Variants in ZFC3H1 observed in about 807,000 individuals in gnomAD.
ZFC3H1 encodes the protein zinc finger C3H1 domain-containing protein.
A neutral mutation model predicts 243.7 loss-of-function variants in ZFC3H1; 71 were observed. That is an observed-to-expected ratio of 0.29 (90% CI 0.24 to 0.36). The LOEUF (loss-of-function observed/expected upper bound fraction) is 0.36. Ranked by LOEUF, ZFC3H1 falls within the 10% of genes least tolerant of loss-of-function variation. The probability of loss-of-function intolerance (pLI) is 1.00; values close to 1 mark genes in which losing one functional copy is unlikely to be tolerated. For missense variants in ZFC3H1, 1,966 were observed against 2,317.1 expected, an observed-to-expected ratio of 0.85 and a Z score of 3.11; for synonymous variants, 838 against 813.0, an observed-to-expected ratio of 1.03 and a Z score of -0.52.
rs547389477 is a variant in ZFC3H1, at chr12:71,643,446, A to G, written c.1503+649T>C. Among the ~76,000 whole-genome samples the G allele has an allele frequency of 2.0e-5, 3 of 152,192 alleles. No homozygotes were observed. In the East Asian group the frequency reaches 5.8e-4, roughly 29 times the overall value. The stretch of plus-strand genomic sequence containing the variant: ...AAAAAATTTCAAAGTATAAATATTT[A>G]CAATATTCCTTGCTTAAGCAAACCT... On this transcript the variant is annotated intron_variant, in intron 5 of 34. Coordinates refer to ENST00000378743, the MANE Select transcript of ZFC3H1 (RefSeq NM_144982.5).
intron 24 of ZFC3H1, 102 bp from the exon 25 acceptor site, chr12:71,620,417 C>A: frequency 8.4e-7 from 1 of 1,184,614 alleles, no homozygotes; most frequent in Non-Finnish European, 1.2e-6. Flanking sequence ...AAAGATGACC[C>A]CTCCCTTTGA....
chr12:71,613,494 T>C, intron 30 of ZFC3H1, 59 bp from the exon 31 acceptor site: 2 of 1,275,334 alleles, frequency 1.6e-6, no homozygotes, highest in Non-Finnish European at 2.2e-6. Context: ...TCCAATTACC[T>C]ATGTGTTTTA....
intron 30 of ZFC3H1, chr12:71,613,771 C>A (rs1203991664): frequency 5.9e-6 from 1 of 170,902 alleles, no homozygotes. Context: ...ATGGAATGCC[C>A]GTGTGTAAAT....
In ZFC3H1 at chr12:71,636,887, A is replaced by G; in HGVS notation, c.1898T>C (p.Leu633Pro). ...AGCTCTTTTATTTGCTAGAGATTTA[A>G]GTAGTTCTTCTCGAAGCAGCATTTC... ...EEEMLLREEL[L>P]KSLANKRAFK... The change falls in exon 8 of 35, where the codon CTT becomes CCT. Residue 633 changes from leucine (L) to proline (P), a missense_variant. Physicochemically the swap from Leu to Pro is moderately conservative, Grantham distance 98. This residue lies in a region of ZFC3H1 where 1,383 missense variants were observed against 1,723.7 expected (regional missense o/e 0.80). Transcript: ENST00000378743. 1.2e-6 allele frequency: 2 copies of G among 1,614,038 alleles called. No individual in the cohort carries two copies. Among genetic ancestry groups the G allele is most frequent in the Non-Finnish European group, 1.7e-6 (2 of 1,179,966 alleles).
In ZFC3H1 at chr12:71,632,148, C is replaced by A; in HGVS notation, c.3184G>T (p.Asp1062Tyr). The change falls in exon 15 of 35, where the codon GAT becomes TAT. Residue 1062 changes from aspartate to tyrosine, a missense_variant. Physicochemically the swap from Asp to Tyr is radical, Grantham distance 160. Coordinates refer to ENST00000378743, the MANE Select transcript of ZFC3H1 (RefSeq NM_144982.5). ...YFTKPNLKHT[D>Y]TANKECINKL... is the part of the protein sequence containing the mutation. ...TTTATGCATTCTTTGTTAGCAGTATCAGTGTGCTTAAGGTTAGGTTTAGTA... is the reference window on the plus strand; with the variant it reads ...TTTATGCATTCTTTGTTAGCAGTATAAGTGTGCTTAAGGTTAGGTTTAGTA... 6.2e-7 allele frequency: 1 copy of A among 1,609,558 alleles called. No homozygotes were observed. Among genetic ancestry groups the A allele is most frequent in the Non-Finnish European group, 8.5e-7 (1 of 1,178,614 alleles).
At chr12:71,626,207 T>TAC (rs956124723) in intron 22 of ZFC3H1, 53 bp downstream of exon 22, 33 of 1,340,434 alleles carry the variant, frequency 2.5e-5, no homozygotes, top group South Asian at 1.4e-4. Context: ...TCCAAATAAT[T>TAC]ATACACACAC....
In ZFC3H1 at chr12:71,631,862, A is replaced by T; in HGVS notation, c.3386T>A (p.Val1129Asp). 1 of 1,613,732 alleles carries T rather than the reference A, an allele frequency of 6.2e-7. No homozygotes were observed. The highest frequency in any genetic ancestry group is 2.2e-5 in the East Asian group (1 of 44,840). Residue 1129 changes from valine to aspartate, a missense_variant, in exon 16 of 35, where the codon GTC becomes GAC. By Grantham distance (152) the Val-to-Asp change is radical (BLOSUM62 -3). This residue lies in a region of ZFC3H1 where 1,383 missense variants were observed against 1,723.7 expected (regional missense o/e 0.80). Transcript: ENST00000378743. Reference protein sequence around the residue: ...GQEISVDVDFVTAQSKTMEVK... With the variant: ...GQEISVDVDFDTAQSKTMEVK... ...TTCCATTGTTTTACTTTGTGCTGTG[A>T]CAAAATCCACATCTACAGAAATCTC...
At chr12:71,625,207 G>A (rs540502300) in intron 22 of ZFC3H1, among the ~76,000 whole-genome samples, 4 of 152,220 alleles carry the variant, frequency 2.6e-5, no homozygotes, top group East Asian at 3.9e-4. Context: ...TTTATTAAGC[G>A]GTATCATGTT....
chr12:71,615,103 A>G (rs1242540978), intron 28 of ZFC3H1, 103 bp downstream of exon 28: 18 of 1,182,242 alleles, frequency 1.5e-5, no homozygotes, highest in East Asian at 2.4e-5. Context: ...TTGTGCTTCA[A>G]TGACTTTAAC....
chr12:71,638,238 T>C (rs560845850), intron 7 of ZFC3H1, among the ~76,000 whole-genome samples, 180 bp downstream of exon 7: 1 of 152,272 alleles, frequency 6.6e-6, no homozygotes, highest in South Asian at 2.1e-4. Flanking sequence ...ATGAAAAAAA[T>C]CTACCAAATG....
intron 27 of ZFC3H1, among the ~76,000 whole-genome samples, chr12:71,619,039 TAAC>T (rs1201420750): frequency 6.6e-5 from 10 of 152,188 alleles, no homozygotes; most frequent in Admixed American, 5.9e-4. Context: ...GTACTAAAAT[TAAC>T]AACAATAACG....
At chr12:71,641,916 G>A (rs1010728824) in intron 6 of ZFC3H1, among the ~76,000 whole-genome samples, 7 of 152,066 alleles carry the variant, frequency 4.6e-5, no homozygotes, top group South Asian at 2.1e-4. Flanking sequence ...GTGGTACGAC[G>A]TCAGCTCACT....
rs893443487 is a variant in ZFC3H1, at chr12:71,663,829, T to G, written c.-219A>C. 4.1e-5 allele frequency: 24 copies of G among 585,460 alleles called. No individual in the cohort carries two copies. The highest frequency in any genetic ancestry group is 4.5e-4 in the Middle Eastern group (1 of 2,216). 36.3% of individuals were successfully genotyped at this position (585,460 alleles called of 1,614,324 possible). On this transcript the variant is annotated 5_prime_UTR_variant, in exon 1 of 35. Coordinates refer to ENST00000378743, the MANE Select transcript of ZFC3H1 (RefSeq NM_144982.5). ...GTTCCCTTTCCTAGCGCCCCCTTGC[T>G]CCTCAGCGATCGGGGTTCTTCCGCC...
chr12:71,663,464 C>T lies in ZFC3H1; in HGVS notation c.147G>A (p.Leu49=), dbSNP rs748607066. 1.2e-6 allele frequency: 2 copies of T among 1,612,634 alleles called. No homozygotes were observed. Among genetic ancestry groups the T allele is most frequent in the Non-Finnish European group, 8.5e-7 (1 of 1,180,044 alleles). The change falls in exon 1 of 35, where the codon CTG becomes CTA. Residue 49 remains leucine (L), a synonymous_variant. Transcript: ENST00000378743. ...GAGGCCTTCGCCGCGGATAGGGTAA[C>T]AGCCCGCCGCCGCTGCTGCTGCTGC... ...RSSSSSSGGG[L]LPYPRRRPPH... is the part of the protein sequence containing the mutation.
At chr12:71,627,504 A>G (rs1565810251) in intron 21 of ZFC3H1, among the ~76,000 whole-genome samples, 1 of 152,180 alleles carries the variant, frequency 6.6e-6, no homozygotes, top group Non-Finnish European at 1.5e-5. Context: ...TTGAAATAAG[A>G]GCCTACTGGA....
rs1881034083 is a variant in ZFC3H1 at position 71,656,934 on chromosome 12, A to G, written c.966T>C (p.Asp322=). Residue 322 remains aspartate, a synonymous_variant, in exon 2 of 35, where the codon GAT becomes GAC. Coordinates refer to ENST00000378743, the MANE Select transcript of ZFC3H1 (RefSeq NM_144982.5). ...ATTTCAGGGAAAGTGGTTTTGCTCC[A>G]TCTTTAACTTTTTTCAAACGGTTCT... ...GDKNRLKKVK[D]GAKPLSLKSD... The G allele has an allele frequency of 1.9e-6, 3 of 1,613,760 alleles. No individual in the cohort carries two copies. The South Asian group carries it at 3.3e-5, about 18-fold the overall frequency.
rs1194581437 is a variant in ZFC3H1 at position 71,615,246 on chromosome 12, TATC to T, written c.5212_5214del (p.Asp1738del). ...AAATAAGGAACTTGGTGGTTAAACA[TATC>T]ATCATCAAAATTCCCTTTACATAAA... On this transcript the variant is annotated inframe_deletion, in exon 28 of 35. Coordinates refer to ENST00000378743, the MANE Select transcript of ZFC3H1 (RefSeq NM_144982.5). The T allele has an allele frequency of 1.1e-5, 18 of 1,613,642 alleles. No homozygotes were observed. Among genetic ancestry groups the T allele is most frequent in the South Asian group, 8.8e-5 (8 of 91,020 alleles).
In ZFC3H1 at chr12:71,633,280, T is replaced by C; in HGVS notation, c.2669A>G (p.Lys890Arg). The stretch of plus-strand genomic sequence containing the variant: ...AATAATTACTTGTTCCTGAAGCTTC[T>C]TCAAAAACATTCTGTTAACATTAAG... ...KILNVNRMFL[K>R]KLQEQIHRVQ... Residue 890 changes from lysine to arginine, a missense_variant, in exon 13 of 35, where the codon AAG becomes AGG. Around this residue, in one of 4 missense-constraint regions of ZFC3H1, gnomAD observed 1,383 missense variants for 1,723.7 expected, o/e 0.80. Transcript: ENST00000378743. 1 of 1,581,778 alleles carries C rather than the reference T, an allele frequency of 6.3e-7. No individual in the cohort carries two copies. Among genetic ancestry groups the C allele is most frequent in the South Asian group, 1.2e-5 (1 of 84,600 alleles).
At chr12:71,628,759 T>C (rs1356793449) in intron 20 of ZFC3H1, among the ~76,000 whole-genome samples, 159 bp downstream of exon 20, 2 of 152,164 alleles carry the variant, frequency 1.3e-5, no homozygotes, top group African/African-American at 4.8e-5. Context: ...TCCTGCACAG[T>C]GAATTAACTG....
Sources: allele counts gnomAD v4.1 joint callset (sites outside exome capture counted in the v4.1 genomes callset), GRCh38; gene constraint gnomAD v4.1.1; regional missense constraint gnomAD v4.1.1; transcripts MANE v1.5; gene names NCBI Gene and HGNC (gene_info 2026-07-23, HGNC 2026-07-21).